The following NRP2 variants were observed in gnomAD, a reference collection of about 807,000 sequenced individuals.
NRP2 encodes neuropilin-2.
Under a neutral mutation model 110.4 loss-of-function variants are expected in NRP2, and 52 were observed. The observed-to-expected ratio is 0.47, with a 90% CI of 0.38 to 0.59. The LOEUF is 0.59. Ranked by LOEUF, NRP2 falls within the 20% of genes least tolerant of loss-of-function variation. The pLI is 0.00. For missense variants in NRP2, 1,049 were observed against 1,203.0 expected (o/e 0.87, Z 1.89); for synonymous variants, 508 against 468.9 (o/e 1.08, Z -1.08).
intron 9 of NRP2, among the ~76,000 whole-genome samples, chr2:205,745,495 G>C (rs1267688309): frequency 6.6e-6 from 1 of 152,120 alleles, no homozygotes; most frequent in African/African-American, 2.4e-5. Context: ...GACACAACCT[G>C]GAAATTGCCA....
chr2:205,773,265 G>A (rs559998525), intron 15 of NRP2, among the ~76,000 whole-genome samples: 3 of 152,334 alleles, frequency 2.0e-5, no homozygotes, highest in African/African-American at 7.2e-5. Context: ...CTAGCCCCCA[G>A]CTGCAAGTCA....
Position 205,765,518 on chromosome 2 carries a change from T to G in NRP2, c.2352T>G (p.Ile784Met), listed in dbSNP as rs1266062332. The G allele has an allele frequency of 6.2e-6, 10 of 1,614,180 alleles. No homozygotes were observed. Among genetic ancestry groups the G allele is most frequent in the Non-Finnish European group, 8.5e-6 (10 of 1,180,024 alleles). The change falls in exon 14 of 17, where the codon ATT becomes ATG. Residue 784 changes from isoleucine (I) to methionine (M), a missense_variant. By Grantham distance (10) the Ile-to-Met change is conservative. Transcript: ENST00000357785. ...TAGGGAAAGGACGTTCCGGAGAGAT[T>G]GCCATTGATGACATTCGGATAAGCA... ...GVIGKGRSGE[I>M]AIDDIRISTD...
At chr2:205,746,779 A>G (rs1299019921) in intron 10 of NRP2, among the ~76,000 whole-genome samples, 1 of 152,178 alleles carries the variant, frequency 6.6e-6, no homozygotes, top group Non-Finnish European at 1.5e-5. Context: ...GGATGGCATG[A>G]GGGATTAATA....
intron 15 of NRP2, among the ~76,000 whole-genome samples, chr2:205,769,922 T>C (rs1575658915): frequency 6.6e-6 from 1 of 152,178 alleles, no homozygotes; most frequent in African/African-American, 2.4e-5. Flanking sequence ...ACAAGAACAA[T>C]AAAGAAGCCA....
In NRP2 at chr2:205,796,240, C is replaced by T. The variant is rs1575693637; in HGVS notation, c.*1182C>T. 2 of 152,180 alleles carry T rather than the reference C, an allele frequency of 1.3e-5. No homozygotes were observed. The highest frequency in any genetic ancestry group is 1.5e-5 in the Non-Finnish European group (1 of 68,032). The allele number at this position is 152,180 out of a possible 1,614,324, so 9.4% of individuals were successfully genotyped here. ...TTTGTCTCTCAAATAGACTAGTAAA[C>T]ACCGACTTCTCCTTTGGGTTACAAA... is the stretch of plus-strand genomic sequence containing the variant. On this transcript the variant is annotated 3_prime_UTR_variant, in exon 17 of 17. Coordinates refer to ENST00000357785, the MANE Select transcript of NRP2 (RefSeq NM_003872.3).
chr2:205,690,762 A>C (rs1015216554), intron 1 of NRP2, among the ~76,000 whole-genome samples: 1 of 152,138 alleles, frequency 6.6e-6, no homozygotes, highest in Non-Finnish European at 1.5e-5. Context: ...CCTGGGTGAC[A>C]GAGTGAGACT....
intron 11 of NRP2, 172 bp from the exon 12 acceptor site, chr2:205,752,663 C>T: frequency 1.4e-6 from 1 of 690,556 alleles, no homozygotes; most frequent in Non-Finnish European, 2.5e-6. Context: ...GAGACCAAAG[C>T]CTGACCCGAA....
chr2:205,732,371 A>G (rs76068154), intron 7 of NRP2, among the ~76,000 whole-genome samples: 3,551 of 152,350 alleles, frequency 0.023, 49 homozygotes, highest in Middle Eastern at 0.085. Context: ...TAAATCAGAG[A>G]CTTGGGAGGA....
intron 2 of NRP2, among the ~76,000 whole-genome samples, chr2:205,711,242 G>C (rs1575570666): frequency 6.6e-6 from 1 of 152,164 alleles, no homozygotes; most frequent in African/African-American, 2.4e-5. Context: ...CAGGCACCAG[G>C]GAAGTGTCGT....
At position 205,686,127 on chromosome 2, in the gene NRP2, C is replaced by T. The variant is rs1204809433; in HGVS notation, c.73+2764C>T. On this transcript the variant is annotated intron_variant, in intron 1 of 16. Coordinates refer to ENST00000357785, the MANE Select transcript of NRP2 (RefSeq NM_003872.3). This position sits in a 1 kb window ranked among gnomAD's most constrained non-coding sequence, Gnocchi z 4.7. ...GAAACAGAGCCCAGCGATCCATAAA[C>T]ATTCTATTAAGCAAAAATATTCCCA... Among the ~76,000 whole-genome samples, 2 of 150,966 alleles carry T rather than the reference C, an allele frequency of 1.3e-5. No individual in the cohort carries two copies. The highest frequency in any genetic ancestry group is 2.4e-5 in the African/African-American group (1 of 41,150).
chr2:205,773,410 A>G (rs1477831531), intron 15 of NRP2, among the ~76,000 whole-genome samples: 2 of 152,194 alleles, frequency 1.3e-5, no homozygotes, highest in African/African-American at 4.8e-5. Context: ...CTCCAAACAA[A>G]TGCCCAAAGA....
At chr2:205,732,426 T>C (rs1428378383) in intron 7 of NRP2, among the ~76,000 whole-genome samples, 1 of 152,226 alleles carries the variant, frequency 6.6e-6, no homozygotes, top group African/African-American at 2.4e-5. Context: ...ATCAGTTGGC[T>C]AACAGCTAGA....
At chr2:205,744,685 G>C (rs886437010) in intron 9 of NRP2, among the ~76,000 whole-genome samples, 5 of 152,172 alleles carry the variant, frequency 3.3e-5, no homozygotes, top group African/African-American at 9.7e-5. Context: ...GAGGGAGTTT[G>C]CATGTCTCGG....
rs768890029 is a variant in NRP2, at chr2:205,728,006, G to A, written c.1106G>A (p.Gly369Glu). The change falls in exon 7 of 17, where the codon GGA (glycine) becomes GAA (glutamate). Residue 369 changes from glycine to glutamate, a missense_variant. Coordinates refer to ENST00000357785, the MANE Select transcript of NRP2 (RefSeq NM_003872.3). ...TACAAGCTGGAAGTCAGCACTAATG[G>A]AGAGGACTGGATGGTGTACCGGCAT... Reference protein sequence around the residue: ...KSYKLEVSTNGEDWMVYRHGK... With the variant: ...KSYKLEVSTNEEDWMVYRHGK... The A allele has an allele frequency of 6.2e-7, 1 of 1,614,172 alleles. No individual in the cohort carries two copies. Among genetic ancestry groups the A allele is most frequent in the South Asian group, 1.1e-5 (1 of 91,080 alleles).
chr2:205,700,109 C>A (rs1043513073), intron 2 of NRP2, among the ~76,000 whole-genome samples: 4 of 152,216 alleles, frequency 2.6e-5, no homozygotes, highest in South Asian at 2.1e-4. Flanking sequence ...CCCCTCCCCA[C>A]TGCCTTGTTT....
intron 12 of NRP2, among the ~76,000 whole-genome samples, chr2:205,754,427 C>T (rs2057700528): frequency 6.6e-6 from 1 of 152,150 alleles, no homozygotes; most frequent in South Asian, 2.1e-4. Context: ...AAAACATTTT[C>T]ATATTTCAAG....
chr2:205,761,250 A>C (rs1292955834), intron 12 of NRP2, among the ~76,000 whole-genome samples: 1 of 152,244 alleles, frequency 6.6e-6, no homozygotes, highest in African/African-American at 2.4e-5. Flanking sequence ...TCATCCATTC[A>C]TTCATAGAAA....
intron 16 of NRP2, among the ~76,000 whole-genome samples, chr2:205,793,009 G>A (rs930413317): frequency 6.6e-6 from 1 of 152,180 alleles, no homozygotes; most frequent in Non-Finnish European, 1.5e-5. Context: ...GAATTTAAGA[G>A]GAACAGTTTA....
chr2:205,790,647 T>A (rs908713378), intron 15 of NRP2, among the ~76,000 whole-genome samples: 8 of 100,910 alleles, frequency 7.9e-5, no homozygotes, highest in African/African-American at 2.4e-4. Flanking sequence ...TTTTCTTCCA[T>A]GTTTTTTTTT....
Sources: allele counts gnomAD v4.1 joint callset (sites outside exome capture counted in the v4.1 genomes callset), GRCh38; gene constraint gnomAD v4.1.1; non-coding constraint Gnocchi (gnomAD v3.1); transcripts MANE v1.5; gene names NCBI Gene and HGNC (gene_info 2026-07-23, HGNC 2026-07-21).